Variants in CSMD1 observed in about 807,000 individuals in gnomAD.
CSMD1 encodes CUB and sushi domain-containing protein 1.
Under a neutral mutation model 417.5 loss-of-function variants are expected in CSMD1, and 213 were observed. The observed-to-expected ratio is 0.51, with a 90% CI of 0.46 to 0.57. The LOEUF is 0.57. CSMD1 is among the 20% of genes least tolerant of loss of function. The pLI, the probability that CSMD1 is intolerant of heterozygous loss-of-function variation, is 0.00. For missense variants in CSMD1, 6,923 were observed against 4,529.7 expected (o/e 1.53, Z -15.17); for synonymous variants, 2,862 against 1,736.8 (o/e 1.65, Z -16.11).
At chr8:3,869,349 G>C (rs565738466) in intron 5 of CSMD1, among the ~76,000 whole-genome samples, 11 of 152,182 alleles carry the variant, frequency 7.2e-5, no homozygotes, top group Non-Finnish European at 1.3e-4. Context: ...ACTATATCCT[G>C]TATAATAAAA....
chr8:4,123,318 C>T (rs1363828436), intron 3 of CSMD1, among the ~76,000 whole-genome samples: 3 of 152,318 alleles, frequency 2.0e-5, no homozygotes, highest in Middle Eastern at 3.4e-3. Flanking sequence ...CTATCTGGAG[C>T]AGATGCATGC....
rs140385733 is a variant in CSMD1, at chr8:4,277,224, G to A, written c.415+142729C>T. ...ATATATATATATATATATACACACA[G>A]ACACATACATACTGCTGTTAATCTT... On this transcript the variant is annotated intron_variant, in intron 3 of 69. Coordinates refer to ENST00000635120, the MANE Select transcript of CSMD1 (RefSeq NM_033225.6). Among the ~76,000 whole-genome samples the A allele has an allele frequency of 5.1e-4, 74 of 144,806 alleles. 1 individual carries two copies. The East Asian group carries it at 0.016, about 31-fold the overall frequency. 95.0% of individuals were successfully genotyped at this position (144,806 alleles called of 152,430 possible). A position where few individuals can be genotyped will look rare whatever the true frequency, so the allele number is the denominator to read the frequency against.
intron 7 of CSMD1, among the ~76,000 whole-genome samples, chr8:3,635,171 G>A (rs957428499): frequency 2.0e-5 from 3 of 152,124 alleles, no homozygotes; most frequent in Non-Finnish European, 4.4e-5. Flanking sequence ...GGACATGGCT[G>A]TGCACTGCTG....
intron 5 of CSMD1, among the ~76,000 whole-genome samples, chr8:3,779,248 C>G (rs960906683): frequency 6.6e-6 from 1 of 151,634 alleles, no homozygotes; most frequent in Non-Finnish European, 1.5e-5. Flanking sequence ...AAGGTGAGGA[C>G]TAGCAAGGGT....
intron 1 of CSMD1, among the ~76,000 whole-genome samples, chr8:4,658,073 G>C (rs1379759102): frequency 6.6e-6 from 1 of 151,026 alleles, no homozygotes; most frequent in Non-Finnish European, 1.5e-5. Flanking sequence ...AAAAAGAAGG[G>C]AAAAAAATAA....
intron 1 of CSMD1, among the ~76,000 whole-genome samples, chr8:4,958,829 G>A (rs1429213533): frequency 6.6e-6 from 1 of 152,242 alleles, no homozygotes; most frequent in African/African-American, 2.4e-5. Context: ...TCTGACAAGT[G>A]TCTAAAAAAT....
chr8:3,526,203 A>G (rs1343743740), intron 10 of CSMD1, among the ~76,000 whole-genome samples: 1 of 152,174 alleles, frequency 6.6e-6, no homozygotes, highest in Non-Finnish European at 1.5e-5. Context: ...CTCATCAATC[A>G]TAAGACTACA....
At chr8:4,568,933 C>T (rs1798749624) in intron 2 of CSMD1, among the ~76,000 whole-genome samples, 1 of 152,124 alleles carries the variant, frequency 6.6e-6, no homozygotes, top group African/African-American at 2.4e-5. Context: ...TGAGAAGTGT[C>T]TGTTCATATC....
chr8:3,450,122 C>A (rs79755741), intron 12 of CSMD1, among the ~76,000 whole-genome samples: 3 of 152,248 alleles, frequency 2.0e-5, no homozygotes, highest in East Asian at 1.9e-4. Context: ...ATGTGTCCTG[C>A]ACATCAGGAT....
At chr8:4,591,148 G>T (rs2130732082) in intron 2 of CSMD1, among the ~76,000 whole-genome samples, 1 of 152,306 alleles carries the variant, frequency 6.6e-6, no homozygotes. Context: ...CATTTCTTCA[G>T]TTGTGTGTTG....
chr8:4,705,422 C>T (rs752771244), intron 1 of CSMD1, among the ~76,000 whole-genome samples: 36 of 152,166 alleles, frequency 2.4e-4, no homozygotes, highest in Non-Finnish European at 4.3e-4. Flanking sequence ...ACACAAAACC[C>T]TAATCCCCAG....
intron 3 of CSMD1, among the ~76,000 whole-genome samples, chr8:4,374,360 G>A (rs966734453): frequency 6.6e-6 from 1 of 152,116 alleles, no homozygotes; most frequent in Non-Finnish European, 1.5e-5. Context: ...TCTGATTATA[G>A]GTGTCAGGGG....
intron 37 of CSMD1, among the ~76,000 whole-genome samples, chr8:3,167,291 G>GAAA (rs61026104): frequency 0.22 from 22,347 of 102,272 alleles, 2,090 homozygotes; most frequent in East Asian, 0.5. Flanking sequence ...CTTGGAAAAA[G>GAAA]AAAAAAAAAA....
intron 3 of CSMD1, among the ~76,000 whole-genome samples, chr8:4,311,120 G>A (rs1373845813): frequency 6.6e-6 from 1 of 152,150 alleles, no homozygotes; most frequent in East Asian, 1.9e-4. Flanking sequence ...AAGCTGAACT[G>A]CCACTCAACC....
intron 1 of CSMD1, among the ~76,000 whole-genome samples, chr8:4,795,447 T>A (rs1021794605): frequency 4.0e-5 from 6 of 151,518 alleles, no homozygotes; most frequent in African/African-American, 1.5e-4. Flanking sequence ...AACTTTTGTA[T>A]TTTTAGTAGA....
chr8:4,827,043 G>C (rs138879970), intron 1 of CSMD1, among the ~76,000 whole-genome samples: 43 of 152,132 alleles, frequency 2.8e-4, no homozygotes, highest in African/African-American at 9.2e-4. Flanking sequence ...ATCCATGGAT[G>C]GCTAACAGAC....
chr8:3,141,837 G>C (rs562452949), intron 41 of CSMD1, among the ~76,000 whole-genome samples: 1 of 145,934 alleles, frequency 6.9e-6, no homozygotes, highest in East Asian at 2.0e-4. Flanking sequence ...TGGCTCTGTC[G>C]CCCAGGCTGG....
At chr8:4,766,414 G>C (rs1184234811) in intron 1 of CSMD1, among the ~76,000 whole-genome samples, 1 of 152,188 alleles carries the variant, frequency 6.6e-6, no homozygotes, top group Non-Finnish European at 1.5e-5. Context: ...CCGTGAGACA[G>C]AGTTCTCCTT....
At chr8:4,524,451 C>A (rs552061981) in intron 2 of CSMD1, among the ~76,000 whole-genome samples, 2 of 152,150 alleles carry the variant, frequency 1.3e-5, no homozygotes, top group Middle Eastern at 6.9e-3. Flanking sequence ...ATGCTTGTGG[C>A]TGAAACAGGA....
Sources: allele counts gnomAD v4.1 joint callset (sites outside exome capture counted in the v4.1 genomes callset), GRCh38; gene constraint gnomAD v4.1.1; transcripts MANE v1.5; gene names NCBI Gene and HGNC (gene_info 2026-07-23, HGNC 2026-07-21).